The following CBFB variants were observed in gnomAD, a reference collection of about 807,000 sequenced individuals.
CBFB encodes core-binding factor subunit beta.
Under a neutral mutation model 30.4 loss-of-function variants are expected in CBFB, and 9 were observed. That is an observed-to-expected ratio of 0.30 (90% CI 0.18 to 0.52). The LOEUF is 0.52. CBFB is among the 20% of genes least tolerant of loss of function. The pLI, the probability that CBFB is intolerant of heterozygous loss-of-function variation, is 0.97. For synonymous variants in CBFB, 94 were observed against 84.0 expected (o/e 1.12, Z -0.65); for missense variants, 170 against 244.0 (o/e 0.70, Z 2.02).
intron 4 of CBFB, 184 bp downstream of exon 4, chr16:67,066,982 TCAG>T (rs1269081765): frequency 6.9e-6 from 3 of 435,184 alleles, no homozygotes. Context: ...AGTTTTTTCT[TCAG>T]CAGTTCTAAA....
In CBFB at chr16:67,091,350, G is replaced by A. The variant is rs1961874493; in HGVS notation, c.496-7360G>A. On this transcript the variant is annotated intron_variant, in intron 5 of 5. Transcript: ENST00000412916. ...AAGTTCATAAATGGAAATGGGAAGTGATGAACAGCTTTGTTATAATAACAG... is the reference window on the plus strand; with the variant it reads ...AAGTTCATAAATGGAAATGGGAAGTAATGAACAGCTTTGTTATAATAACAG... Among the ~76,000 whole-genome samples, 2 of 152,234 alleles carry A rather than the reference G, an allele frequency of 1.3e-5. 1 individual carries two copies. The highest frequency in any genetic ancestry group is 2.9e-5 in the Non-Finnish European group (2 of 68,030).
chr16:67,055,465 A>G (rs560010107), intron 3 of CBFB, among the ~76,000 whole-genome samples: 1 of 140,430 alleles, frequency 7.1e-6, no homozygotes, highest in African/African-American at 2.7e-5. Flanking sequence ...TCCCGGGTTC[A>G]CGCCATTCTC....
intron 3 of CBFB, among the ~76,000 whole-genome samples, chr16:67,039,143 G>A (rs1352530729): frequency 2.0e-5 from 3 of 152,150 alleles, no homozygotes; most frequent in African/African-American, 7.2e-5. Context: ...CACAGATCTA[G>A]ATGGTATAGC....
chr16:67,096,873 C>T (rs555920777), intron 5 of CBFB, among the ~76,000 whole-genome samples: 3 of 145,794 alleles, frequency 2.1e-5, no homozygotes, highest in Non-Finnish European at 3.0e-5. Flanking sequence ...ACTCGGGAGG[C>T]GGAGCTTGCG....
intron 3 of CBFB, among the ~76,000 whole-genome samples, chr16:67,058,328 A>T (rs923817147): frequency 2.0e-5 from 3 of 152,152 alleles, no homozygotes; most frequent in Non-Finnish European, 4.4e-5. Flanking sequence ...TTTAGTATTG[A>T]TTGGATTTCA....
rs1168951970 is a variant in CBFB at position 67,029,330 on chromosome 16, C to T, written c.-78C>T. ...CGGGCGCCGCGGGTGGGCGGTCAGT[C>T]GGTCAGCGCGGAGCCAGCCAGCGGG... is the stretch of plus-strand genomic sequence containing the variant. On this transcript the variant is annotated 5_prime_UTR_variant, in exon 1 of 6. Transcript: ENST00000412916. The T allele has an allele frequency of 6.5e-5, 66 of 1,015,128 alleles. No individual in the cohort carries two copies. The highest frequency in any genetic ancestry group is 8.1e-5 in the Non-Finnish European group (63 of 776,224). The allele number at this position is 1,015,128 out of a possible 1,614,324, so 62.9% of individuals were successfully genotyped here. A position where few individuals can be genotyped will look rare whatever the true frequency, so the allele number is the denominator to read the frequency against.
chr16:67,068,922 C>T (rs115049953), intron 4 of CBFB, among the ~76,000 whole-genome samples: 2,869 of 152,128 alleles, frequency 0.019, 94 homozygotes, highest in African/African-American at 0.066. Flanking sequence ...AATAGAAATT[C>T]TGGAGTTGAG....
intron 4 of CBFB, among the ~76,000 whole-genome samples, chr16:67,069,824 A>G (rs1961168138): frequency 6.6e-6 from 1 of 152,202 alleles, no homozygotes; most frequent in South Asian, 2.1e-4. Flanking sequence ...AAAAGCACCA[A>G]AAGAAAATGT....
At chr16:67,049,459 C>T (rs1054594968) in intron 3 of CBFB, among the ~76,000 whole-genome samples, 4 of 151,932 alleles carry the variant, frequency 2.6e-5, no homozygotes, top group African/African-American at 9.7e-5. Flanking sequence ...ACCTTGGCCT[C>T]CCAAAGTGCT....
In CBFB at chr16:67,029,759, C is replaced by A; in HGVS notation, c.111C>A (p.His37Gln). 6.3e-7 allele frequency: 1 copy of A among 1,596,332 alleles called. No homozygotes were observed. Among genetic ancestry groups the A allele is most frequent in the East Asian group, 2.3e-5 (1 of 42,990 alleles). Reference protein sequence around the residue: ...IKYTGFRDRPHEERQARFQNA... With the variant: ...IKYTGFRDRPQEERQARFQNA... ...ACACGGGCTTCAGGGACCGGCCCCACGAGGAACGCCAGGCACGCTTCCAGA... is the reference window on the plus strand; with the variant it reads ...ACACGGGCTTCAGGGACCGGCCCCAAGAGGAACGCCAGGCACGCTTCCAGA... Residue 37 changes from histidine (H) to glutamine (Q), a missense_variant, in exon 2 of 6, where the codon CAC (histidine) becomes CAA (glutamine). Coordinates refer to ENST00000412916, the MANE Select transcript of CBFB (RefSeq NM_022845.3).
At chr16:67,077,350 T>C (rs1407007268) in intron 4 of CBFB, among the ~76,000 whole-genome samples, 1 of 152,240 alleles carries the variant, frequency 6.6e-6, no homozygotes, top group Non-Finnish European at 1.5e-5. Flanking sequence ...TTAGTGTCTT[T>C]TTGTTTGCAA....
chr16:67,043,467 C>G (rs973926775), intron 3 of CBFB, among the ~76,000 whole-genome samples: 2 of 152,120 alleles, frequency 1.3e-5, no homozygotes, highest in African/African-American at 4.8e-5. Context: ...TAAGTATATA[C>G]CTTACATATG....
chr16:67,082,120 CTG>C, intron 4 of CBFB, 91 bp from the exon 5 acceptor site: 2 of 1,056,652 alleles, frequency 1.9e-6, no homozygotes, highest in Non-Finnish European at 2.6e-6. Flanking sequence ...CGCCCGGCCA[CTG>C]TTTCAGGAAA....
intron 5 of CBFB, among the ~76,000 whole-genome samples, chr16:67,090,343 C>G (rs1240501961): frequency 2.0e-5 from 3 of 152,230 alleles, no homozygotes; most frequent in Non-Finnish European, 4.4e-5. Flanking sequence ...TTGTGAAATG[C>G]TCTCCATTGG....
intron 5 of CBFB, among the ~76,000 whole-genome samples, chr16:67,091,230 AT>A (rs1961872127): frequency 6.6e-6 from 1 of 152,218 alleles, no homozygotes; most frequent in East Asian, 1.9e-4. Flanking sequence ...AATAGACTTT[AT>A]TAAGATTTAT....
chr16:67,053,822 C>T (rs1484534527), intron 3 of CBFB, among the ~76,000 whole-genome samples: 2 of 151,540 alleles, frequency 1.3e-5, no homozygotes, highest in African/African-American at 4.9e-5. Flanking sequence ...TCTAGGCTCA[C>T]CATGACCTAC....
chr16:67,074,553 T>G (rs1961332320), intron 4 of CBFB, among the ~76,000 whole-genome samples: 1 of 152,028 alleles, frequency 6.6e-6, no homozygotes, highest in Admixed American at 6.6e-5. Context: ...CTGCTAATTT[T>G]TGTATTTTTA....
intron 3 of CBFB, among the ~76,000 whole-genome samples, chr16:67,053,801 T>C (rs1270237803): frequency 6.6e-6 from 1 of 151,644 alleles, no homozygotes; most frequent in African/African-American, 2.4e-5. Context: ...GCTGCTCTGG[T>C]ATTTTCTGCT....
chr16:67,081,706 T>C (rs971860621), intron 4 of CBFB, among the ~76,000 whole-genome samples: 2 of 152,052 alleles, frequency 1.3e-5, no homozygotes, highest in African/African-American at 2.4e-5. Flanking sequence ...CTTGGGAGGC[T>C]GAGGCAGGAG....
Sources: gnomAD v4.1 joint callset for allele counts (sites outside exome capture counted in the v4.1 genomes callset) on GRCh38, gnomAD v4.1.1 for gene constraint, MANE v1.5 for transcripts, NCBI Gene and HGNC (gene_info 2026-07-23, HGNC 2026-07-21) for gene names.